Variants in MMAB observed in about 807,000 individuals in gnomAD.
The protein encoded by MMAB is metabolism of cobalamin associated B.
Under a neutral mutation model 30.6 loss-of-function variants are expected in MMAB, and 17 were observed. The ratio of observed to expected loss-of-function variants is 0.56; its 90% CI spans 0.38 to 0.83. The LOEUF is 0.83. Ranked by LOEUF, MMAB falls within the 40% of genes least tolerant of loss-of-function variation. The pLI, the probability that MMAB is intolerant of heterozygous loss-of-function variation, is 0.00. For synonymous variants in MMAB, 134 were observed against 138.6 expected (o/e 0.97, Z 0.23); for missense variants, 311 against 331.6 (o/e 0.94, Z 0.48).
chr12:109,564,557 AT>A (rs1225684291), intron 4 of MMAB, among the ~76,000 whole-genome samples: 2,184 of 140,602 alleles, frequency 0.016, 47 homozygotes, highest in African/African-American at 0.05. Context: ...CTAATTTTTA[AT>A]TTTTTTTTTT....
At chr12:109,573,121 A>G in intron 1 of MMAB, 1 of 615,554 alleles carries the variant, frequency 1.6e-6, no homozygotes, top group Non-Finnish European at 2.9e-6. Context: ...CCCACATGGG[A>G]TATGCCCTGC....
chr12:109,572,457 G>C (rs887181387), intron 1 of MMAB, among the ~76,000 whole-genome samples: 1 of 122,314 alleles, frequency 8.2e-6, no homozygotes, highest in Admixed American at 9.7e-5. Context: ...TCACCATGTT[G>C]CTCAGGCTGG....
At chr12:109,566,225 T>C (rs1364738392) in intron 3 of MMAB, among the ~76,000 whole-genome samples, 4 of 152,210 alleles carry the variant, frequency 2.6e-5, no homozygotes, top group Non-Finnish European at 5.9e-5. Context: ...TGCCTCCCAC[T>C]GGCTGGACCC....
chr12:109,572,871 G>A (rs1210335422), intron 1 of MMAB, among the ~76,000 whole-genome samples: 1 of 152,130 alleles, frequency 6.6e-6, no homozygotes, highest in Non-Finnish European at 1.5e-5. Flanking sequence ...ACAACTCAAG[G>A]ACATAGCTCA....
chr12:109,557,927 G>A (rs986120672), intron 8 of MMAB, among the ~76,000 whole-genome samples: 1 of 152,230 alleles, frequency 6.6e-6, no homozygotes, highest in African/African-American at 2.4e-5. Flanking sequence ...ACTAGAGGAC[G>A]ACGCCACGGG....
chr12:109,568,844 T>A lies in MMAB; in HGVS notation c.216A>T (p.Thr72=). The change falls in exon 3 of 9, where the codon ACA becomes ACT. Residue 72 remains threonine (T), a synonymous_variant. Transcript: ENST00000545712. ...GGTCATCTTTGGGTCTCCTTTCTCC[T>A]GTGAAGGTACTAGAAAACCCTGTGG... ...TGDKGFSSTF[T]GERRPKDDQV... 1 of 1,613,916 alleles carries A rather than the reference T, an allele frequency of 6.2e-7. No individual in the cohort carries two copies. The highest frequency in any genetic ancestry group is 8.5e-7 in the Non-Finnish European group (1 of 1,179,800).
At position 109,568,756 on chromosome 12, in the gene MMAB, C is replaced by T. The variant is rs766558253; in HGVS notation, c.290+14G>A. ...ACTCAAACGCAACCTCAAGGCCAAT[C>T]CTGTCCCCCTTACCCAATAGCTGAA... On this transcript the variant is annotated intron_variant, in intron 3 of 8. Transcript: ENST00000545712. 2 of 1,606,562 alleles carry T rather than the reference C, an allele frequency of 1.2e-6. No homozygotes were observed. Among genetic ancestry groups the T allele is most frequent in the Non-Finnish European group, 1.7e-6 (2 of 1,173,102 alleles).
Position 109,553,775 on chromosome 12 carries a change from T to G in MMAB, c.*3253A>C, listed in dbSNP as rs1182531674. 1 of 429,918 alleles carries G rather than the reference T, an allele frequency of 2.3e-6. No individual in the cohort carries two copies. Among genetic ancestry groups the G allele is most frequent in the Non-Finnish European group, 4.7e-6 (1 of 212,192 alleles). The allele number at this position is 429,918 out of a possible 1,614,324, so 26.6% of individuals were successfully genotyped here. On this transcript the variant is annotated 3_prime_UTR_variant, in exon 9 of 9. Transcript: ENST00000545712. ...GAATTTTATTCAATTAAACTTGAAA[T>G]GCATCTGGATTCTTAAAGGTTCAGT... is the stretch of plus-strand genomic sequence containing the variant.
intron 7 of MMAB, 73 bp from the exon 8 acceptor site, chr12:109,559,228 G>T: frequency 8.5e-7 from 1 of 1,170,274 alleles, no homozygotes; most frequent in South Asian, 1.2e-5. Flanking sequence ...CCTAAACCTT[G>T]AGCAGCATTT....
At position 109,563,861 on chromosome 12, in the gene MMAB, G is replaced by A. The variant is rs147436328; in HGVS notation, c.348+1258C>T. ...CGGAAGTGGGAAGGGCTGACCCTGC[G>A]GGGAGCGGTTTCTGGGGACCTGGGT... On this transcript the variant is annotated intron_variant, in intron 4 of 8. Coordinates refer to ENST00000545712, the MANE Select transcript of MMAB (RefSeq NM_052845.4). Among the ~76,000 whole-genome samples, 251 of 152,318 alleles carry A rather than the reference G, an allele frequency of 1.6e-3. 4 individuals carry two copies. The highest frequency in any genetic ancestry group is 2.1e-3 in the Non-Finnish European group (141 of 68,022).
At chr12:109,560,937 C>G in intron 7 of MMAB, 103 bp downstream of exon 7, 8 of 1,066,030 alleles carry the variant, frequency 7.5e-6, no homozygotes, top group South Asian at 1.3e-5. Context: ...GCAGAGGCCC[C>G]TCTCCCTCTC....
intron 3 of MMAB, among the ~76,000 whole-genome samples, chr12:109,567,488 T>C (rs1884476676): frequency 6.6e-6 from 1 of 152,164 alleles, no homozygotes; most frequent in South Asian, 2.1e-4. Flanking sequence ...CTGCTCCCCC[T>C]GTCACCAGCC....
At position 109,569,797 on chromosome 12, in the gene MMAB, C is replaced by T. The variant is rs2136209194; in HGVS notation, c.197-934G>A. Among the ~76,000 whole-genome samples, 1 of 152,332 alleles carries T rather than the reference C, an allele frequency of 6.6e-6. No homozygotes were observed. Among genetic ancestry groups the T allele is most frequent in the South Asian group, 2.1e-4 (1 of 4,828 alleles). ...CTCTATGACTATGACGGTTCGAGAC[C>T]AAGACAAGGCCACTGCGGAAGAACG... On this transcript the variant is annotated intron_variant, in intron 2 of 8. Transcript: ENST00000545712. This position sits in a 1 kb window ranked among gnomAD's most constrained non-coding sequence, Gnocchi z 4.1.
rs1448685745 is a variant in MMAB at position 109,561,054 on chromosome 12, G to T, written c.570C>A (p.Arg190=). The change falls in exon 7 of 9, where the codon CGC becomes CGA. Residue 190 remains arginine, a synonymous_variant. Coordinates refer to ENST00000545712, the MANE Select transcript of MMAB (RefSeq NM_052845.4). The surrounding 1 kb of genome is among the most constrained non-coding windows in gnomAD (Gnocchi z 5.3). ...SALHFCRAVC[R]RAERRVVPLV... The stretch of plus-strand genomic sequence containing the variant: ...AGCCCTCTTACCGTCTCTCGGCCCG[G>T]CGGCACACGGCCCGGCAGAAATGCA... 1.3e-6 allele frequency: 2 copies of T among 1,589,828 alleles called. No homozygotes were observed. The highest frequency in any genetic ancestry group is 1.7e-6 in the Non-Finnish European group (2 of 1,167,318).
intron 1 of MMAB, among the ~76,000 whole-genome samples, chr12:109,572,839 G>T (rs543851837): frequency 1.3e-5 from 2 of 152,128 alleles, no homozygotes; most frequent in East Asian, 3.8e-4. Flanking sequence ...TCAAAAAGTG[G>T]CATTTTCAAA....
chr12:109,562,712 A>G (rs907056770), intron 4 of MMAB, among the ~76,000 whole-genome samples: 2 of 152,210 alleles, frequency 1.3e-5, no homozygotes, highest in African/African-American at 4.8e-5. Flanking sequence ...TAAACTCTAA[A>G]GGACAAGGAG....
At position 109,561,408 on chromosome 12, in the gene MMAB, C is replaced by T; in HGVS notation, c.519+12G>A. 6.5e-7 allele frequency: 1 copy of T among 1,550,276 alleles called. No individual in the cohort carries two copies. The highest frequency in any genetic ancestry group is 8.7e-7 in the Non-Finnish European group (1 of 1,146,664). Reference sequence around the variant, plus strand: ...CTGCAGCCGCCCCCGGTTAAGCCTGCCCAGTACCTACAGGCAGGATGAAGG... The same window carrying T: ...CTGCAGCCGCCCCCGGTTAAGCCTGTCCAGTACCTACAGGCAGGATGAAGG... On this transcript the variant is annotated intron_variant, in intron 6 of 8. Coordinates refer to ENST00000545712, the MANE Select transcript of MMAB (RefSeq NM_052845.4). This position sits in a 1 kb window ranked among gnomAD's most constrained non-coding sequence, Gnocchi z 5.3.
intron 3 of MMAB, chr12:109,567,200 A>G (rs1214273452): frequency 2.6e-6 from 1 of 385,308 alleles, no homozygotes; most frequent in Non-Finnish European, 5.1e-6. Context: ...GAGTGATAAT[A>G]GCTAACATTA....
At chr12:109,560,751 G>A (rs2136197457) in intron 7 of MMAB, among the ~76,000 whole-genome samples, 1 of 152,336 alleles carries the variant, frequency 6.6e-6, no homozygotes, top group South Asian at 2.1e-4. Flanking sequence ...TGTGTTGTCT[G>A]ATAGTCTATT....
Sources: gnomAD v4.1 joint callset for allele counts (sites outside exome capture counted in the v4.1 genomes callset) on GRCh38, gnomAD v4.1.1 for gene constraint, Gnocchi (gnomAD v3.1) non-coding constraint, MANE v1.5 for transcripts, NCBI Gene and HGNC (gene_info 2026-07-23, HGNC 2026-07-21) for gene names.